The following BCKDHB variants were observed in gnomAD, a reference collection of about 807,000 sequenced individuals.
The protein encoded by BCKDHB is branched chain keto acid dehydrogenase E1 subunit beta, also known as 2-oxoisovalerate dehydrogenase subunit beta, mitochondrial.
A neutral mutation model predicts 48.5 loss-of-function variants in BCKDHB; 41 were observed. The observed-to-expected ratio is 0.85, with a 90% CI of 0.66 to 1.10. The LOEUF (loss-of-function observed/expected upper bound fraction) is 1.10, where lower values mean the gene tolerates loss of function less well. Ranked by LOEUF, BCKDHB falls within the 50% of genes least tolerant of loss-of-function variation. The pLI is 0.00. For synonymous variants in BCKDHB, 201 were observed against 174.8 expected, an observed-to-expected ratio of 1.15 and a Z score of -1.18; for missense variants, 496 against 494.2, an observed-to-expected ratio of 1.00 and a Z score of -0.03.
At chr6:80,412,806 C>G in the BCKDHB span, among the ~76,000 whole-genome samples, 16 of 152,124 alleles carry the variant, frequency 1.1e-4, no homozygotes, top group Admixed American at 5.9e-4. Flanking sequence ...TTTGGGTTGG[C>G]AGGTTTTTAC....
intron 8 of BCKDHB, among the ~76,000 whole-genome samples, chr6:80,221,175 A>T (rs559932104): frequency 6.6e-6 from 1 of 152,244 alleles, no homozygotes; most frequent in East Asian, 1.9e-4. Context: ...TCATGAGCTC[A>T]TCTTCTCTCT....
the BCKDHB span, among the ~76,000 whole-genome samples, chr6:80,433,948 C>G: frequency 6.6e-6 from 1 of 152,050 alleles, no homozygotes; most frequent in Non-Finnish European, 1.5e-5. Context: ...TTTCTCTTAA[C>G]TTTTCACTTC....
intron 8 of BCKDHB, among the ~76,000 whole-genome samples, chr6:80,256,470 A>T (rs760429484): frequency 2.0e-5 from 3 of 152,188 alleles, no homozygotes; most frequent in Non-Finnish European, 4.4e-5. Flanking sequence ...CAGTCAAAAT[A>T]CGGTTTATAA....
At chr6:80,438,995 T>A in the BCKDHB span, among the ~76,000 whole-genome samples, 2 of 152,184 alleles carry the variant, frequency 1.3e-5, no homozygotes, top group Non-Finnish European at 2.9e-5. Context: ...TATGCAGTCA[T>A]TCAGAGATAG....
chr6:80,226,419 T>C (rs1775678866), intron 8 of BCKDHB, among the ~76,000 whole-genome samples: 1 of 152,202 alleles, frequency 6.6e-6, no homozygotes, highest in South Asian at 2.1e-4. Context: ...AGAGAGAGCA[T>C]GCATTGTCTT....
chr6:80,335,937 A>G (rs1769570524), intron 9 of BCKDHB, among the ~76,000 whole-genome samples: 1 of 152,054 alleles, frequency 6.6e-6, no homozygotes, highest in Non-Finnish European at 1.5e-5. Context: ...TAATATTTTA[A>G]AATATTTAAG....
At chr6:80,463,151 G>A in the BCKDHB span, 3 of 152,144 alleles carry the variant, frequency 2.0e-5, no homozygotes, top group African/African-American at 2.4e-5. Context: ...AACATATTTC[G>A]AATTATCTGT....
chr6:80,224,957 C>T (rs775495329), intron 8 of BCKDHB, among the ~76,000 whole-genome samples: 3 of 152,180 alleles, frequency 2.0e-5, no homozygotes, highest in Non-Finnish European at 4.4e-5. Context: ...TTTTGTTGTG[C>T]GGTTCTAGTT....
chr6:80,406,893 G>A, the BCKDHB span, among the ~76,000 whole-genome samples: 1 of 152,102 alleles, frequency 6.6e-6, no homozygotes, highest in Admixed American at 6.6e-5. Context: ...GGCTTTTGTT[G>A]CTATTGCTTT....
intron 9 of BCKDHB, among the ~76,000 whole-genome samples, chr6:80,325,798 T>G (rs543987394): frequency 1.3e-5 from 2 of 152,310 alleles, no homozygotes; most frequent in East Asian, 3.9e-4. Flanking sequence ...TAACCCCAGT[T>G]CAGTCATGAG....
intron 9 of BCKDHB, among the ~76,000 whole-genome samples, chr6:80,288,380 G>C (rs906835333): frequency 3.3e-5 from 5 of 151,886 alleles, no homozygotes; most frequent in African/African-American, 1.2e-4. Context: ...ATTGTTAAAG[G>C]CCTGAAATTC....
chr6:80,223,817 G>A (rs1472339308), intron 8 of BCKDHB, among the ~76,000 whole-genome samples: 13 of 152,128 alleles, frequency 8.5e-5, no homozygotes, highest in Admixed American at 2.6e-4. Flanking sequence ...ATGTCTCTCC[G>A]TGTGGTTAAA....
the BCKDHB span, among the ~76,000 whole-genome samples, chr6:80,422,206 C>T: frequency 1.3e-5 from 2 of 152,204 alleles, no homozygotes; most frequent in African/African-American, 4.8e-5. Context: ...ATCACAGGAG[C>T]CATGGCTTCA....
intron 1 of BCKDHB, among the ~76,000 whole-genome samples, chr6:80,116,497 A>C (rs1316224302): frequency 6.6e-6 from 1 of 152,256 alleles, no homozygotes; most frequent in Non-Finnish European, 1.5e-5. Context: ...GCATTTAAGG[A>C]TACCAGTCCT....
the BCKDHB span, among the ~76,000 whole-genome samples, chr6:80,383,942 T>A: frequency 2.6e-5 from 4 of 152,234 alleles, no homozygotes; most frequent in Non-Finnish European, 5.9e-5. Flanking sequence ...AAAATGATAT[T>A]TTATCTGCCA....
chr6:80,177,177 A>T (rs1393258593), intron 6 of BCKDHB, among the ~76,000 whole-genome samples: 8 of 138,226 alleles, frequency 5.8e-5, no homozygotes, highest in Non-Finnish European at 1.5e-5. Context: ...GCAGTGAGCC[A>T]TGGTGGCACC....
At chr6:80,135,891 G>A (rs2322632) in intron 3 of BCKDHB, 95,344 of 151,950 alleles carry the variant, frequency 0.63, 30,229 homozygotes, top group South Asian at 0.77. Context: ...GAATTTGACT[G>A]TTCCTTATGT....
chr6:80,130,451 T>C (rs1235045288), intron 3 of BCKDHB, among the ~76,000 whole-genome samples: 2 of 152,188 alleles, frequency 1.3e-5, no homozygotes, highest in East Asian at 1.9e-4. Flanking sequence ...ATCTCACTTA[T>C]TGGGAACTTC....
chr6:80,128,872 CTGTGTGTG>C (rs60116640), intron 2 of BCKDHB, among the ~76,000 whole-genome samples: 1,713 of 147,492 alleles, frequency 0.012, 20 homozygotes, highest in African/African-American at 0.031. Context: ...GTTGTCTCAA[CTGTGTGTG>C]TGTGTGTGTG....
Sources: allele counts gnomAD v4.1 joint callset (sites outside exome capture counted in the v4.1 genomes callset), GRCh38; gene constraint gnomAD v4.1.1; transcripts MANE v1.5; gene names NCBI Gene and HGNC (gene_info 2026-07-23, HGNC 2026-07-21).